Variants in MAP3K2 observed in about 807,000 individuals in gnomAD.
MAP3K2 encodes mitogen-activated protein kinase kinase kinase 2.
A neutral mutation model predicts 80.3 loss-of-function variants in MAP3K2; 24 were observed. That is an observed-to-expected ratio of 0.30 (90% CI 0.22 to 0.42). The LOEUF (loss-of-function observed/expected upper bound fraction) is 0.42, where lower values mean the gene tolerates loss of function less well. MAP3K2 is among the 10% of genes least tolerant of loss of function. The pLI is 1.00. For synonymous variants in MAP3K2, 244 were observed against 253.7 expected (o/e 0.96, Z 0.36); for missense variants, 608 against 750.1 (o/e 0.81, Z 2.21).
chr2:127,377,388 G>GC lies in MAP3K2; in HGVS notation c.-66+10063_-66+10064insG, dbSNP rs1687169606. 2.0e-5 allele frequency among the ~76,000 whole-genome samples: 3 copies of GC among 147,786 alleles called. No individual in the cohort carries two copies. In the East Asian group the frequency reaches 5.9e-4, roughly 29 times the overall value. ...TTAGAATAGCATCTAAATTTCAGTG[G>GC]TTTTTTTTTTTTTAAACTACATTGG... On this transcript the variant is annotated intron_variant, in intron 1 of 16. Transcript: ENST00000682094.
chr2:127,354,768 C>A (rs1686768786), intron 1 of MAP3K2, among the ~76,000 whole-genome samples: 3 of 151,914 alleles, frequency 2.0e-5, no homozygotes, highest in African/African-American at 7.3e-5. Flanking sequence ...AGCCAGTCAA[C>A]TAATAATAAC....
intron 12 of MAP3K2, among the ~76,000 whole-genome samples, chr2:127,320,462 G>GGA (rs943842671): frequency 7.3e-5 from 11 of 151,612 alleles, no homozygotes; most frequent in Admixed American, 4.6e-4. Flanking sequence ...GGAGAGGGAG[G>GGA]GAGAGAGAGA....
At chr2:127,376,889 C>A (rs1470052124) in intron 1 of MAP3K2, among the ~76,000 whole-genome samples, 1 of 151,948 alleles carries the variant, frequency 6.6e-6, no homozygotes, top group Non-Finnish European at 1.5e-5. Context: ...AATACAGAGA[C>A]CCTACCTCTA....
At chr2:127,352,996 C>T (rs964414892) in intron 1 of MAP3K2, among the ~76,000 whole-genome samples, 1 of 152,150 alleles carries the variant, frequency 6.6e-6, no homozygotes, top group African/African-American at 2.4e-5. Flanking sequence ...CTCGTTCACT[C>T]AGTGCTCAAT....
intron 1 of MAP3K2, among the ~76,000 whole-genome samples, chr2:127,350,669 T>C (rs1234235197): frequency 1.3e-5 from 2 of 151,916 alleles, no homozygotes; most frequent in Non-Finnish European, 2.9e-5. Context: ...CTAAAGCTAG[T>C]GGATGAAAAG....
Position 127,303,988 on chromosome 2 carries a change from T to TA in MAP3K2, c.*3590dup, listed in dbSNP as rs1685647574. ...TATATGAGCTGGAGTAGCAGAGACTTAGTCTAAAGAAATAGTTTCATCTTT... is the reference window on the plus strand; with the variant it reads ...TATATGAGCTGGAGTAGCAGAGACTTAAGTCTAAAGAAATAGTTTCATCTTT... On this transcript the variant is annotated 3_prime_UTR_variant, in exon 17 of 17. Coordinates refer to ENST00000682094, the MANE Select transcript of MAP3K2 (RefSeq NM_001371910.2). The TA allele has an allele frequency of 1.3e-5, 2 of 152,304 alleles. No individual in the cohort carries two copies. Among genetic ancestry groups the TA allele is most frequent in the South Asian group, 2.1e-4 (1 of 4,830 alleles). 9.4% of individuals were successfully genotyped at this position (152,304 alleles called of 1,614,324 possible).
At chr2:127,383,139 T>C (rs769155890) in intron 1 of MAP3K2, among the ~76,000 whole-genome samples, 31 of 152,160 alleles carry the variant, frequency 2.0e-4, no homozygotes, top group Non-Finnish European at 3.8e-4. Context: ...TTGCTCATCA[T>C]CAAGGGGACG....
intron 2 of MAP3K2, among the ~76,000 whole-genome samples, chr2:127,341,373 GA>G (rs1183318102): frequency 6.6e-6 from 1 of 151,904 alleles, no homozygotes; most frequent in Non-Finnish European, 1.5e-5. Flanking sequence ...GGGGCCAGTT[GA>G]ACAAAACTTC....
At chr2:127,373,903 A>C (rs928127131) in intron 1 of MAP3K2, among the ~76,000 whole-genome samples, 1 of 152,220 alleles carries the variant, frequency 6.6e-6, no homozygotes, top group Non-Finnish European at 1.5e-5. Flanking sequence ...ATGGACCTGC[A>C]AACAGCACTC....
intron 15 of MAP3K2, among the ~76,000 whole-genome samples, chr2:127,309,325 C>T (rs935507384): frequency 3.9e-5 from 6 of 152,020 alleles, no homozygotes; most frequent in Admixed American, 3.9e-4. Context: ...CATAGGCAGG[C>T]TTTGAGCTTT....
At chr2:127,387,429 C>G (rs1442277984) in intron 1 of MAP3K2, 23 bp downstream of exon 1, 11 of 920,540 alleles carry the variant, frequency 1.2e-5, no homozygotes, top group Non-Finnish European at 1.4e-5. Flanking sequence ...CACAAGCGCG[C>G]GCGCACGCAC....
At chr2:127,326,571 G>A in intron 8 of MAP3K2, 116 bp downstream of exon 8, 1 of 667,620 alleles carries the variant, frequency 1.5e-6, no homozygotes, top group Non-Finnish European at 2.2e-6. Flanking sequence ...GTTCAGTTAA[G>A]AAGATATGTA....
intron 2 of MAP3K2, among the ~76,000 whole-genome samples, chr2:127,341,220 GCCT>G (rs1447108976): frequency 6.6e-6 from 1 of 151,534 alleles, no homozygotes; most frequent in African/African-American, 2.4e-5. Flanking sequence ...CGATCTCCCG[GCCT>G]CGTGATCCGC....
intron 2 of MAP3K2, among the ~76,000 whole-genome samples, chr2:127,340,489 T>C (rs1686455856): frequency 1.3e-5 from 2 of 152,080 alleles, no homozygotes; most frequent in African/African-American, 4.8e-5. Flanking sequence ...AAACCCCGTC[T>C]CCACTAAAAA....
chr2:127,388,388 A>T, upstream of MAP3K2: 1 of 985,412 alleles, frequency 1.0e-6, no homozygotes, highest in Non-Finnish European at 1.2e-6. Context: ...GTGGCAGGTC[A>T]TTTGCAAGGA....
In MAP3K2 at chr2:127,322,220, G is replaced by C; in HGVS notation, c.871C>G (p.Gln291Glu). 3 of 1,613,840 alleles carry C rather than the reference G, an allele frequency of 1.9e-6. No homozygotes were observed. The highest frequency in any genetic ancestry group is 2.5e-6 in the Non-Finnish European group (3 of 1,179,804). ...RKTFPRARRT[Q>E]GTSLRSPVSF... ...ACAGGAGACCGTAAGCTGGTCCCCT[G>C]GGTCCTTCTAGCTCTTGGAAAAGTT... is the stretch of plus-strand genomic sequence containing the variant. The change falls in exon 12 of 17, where the codon CAG becomes GAG. Residue 291 changes from glutamine to glutamate, a missense_variant. Physicochemically the swap from Gln to Glu is conservative, Grantham distance 29. Transcript: ENST00000682094. The surrounding 1 kb of genome is among the most constrained non-coding windows in gnomAD (Gnocchi z 4.2).
intron 15 of MAP3K2, among the ~76,000 whole-genome samples, chr2:127,312,487 C>T (rs1685825162): frequency 6.6e-6 from 1 of 151,814 alleles, no homozygotes; most frequent in Non-Finnish European, 1.5e-5. Context: ...ATAGCAATAC[C>T]CTATCTCTAC....
At chr2:127,378,981 G>GTTTT (rs58961718) in intron 1 of MAP3K2, among the ~76,000 whole-genome samples, 4 of 88,050 alleles carry the variant, frequency 4.5e-5, no homozygotes, top group Admixed American at 1.5e-4. Flanking sequence ...GTTTTTTGTT[G>GTTTT]TTTTTTTTTT....
At chr2:127,351,061 T>A (rs62157556) in intron 1 of MAP3K2, among the ~76,000 whole-genome samples, 1 of 152,114 alleles carries the variant, frequency 6.6e-6, no homozygotes, top group Non-Finnish European at 1.5e-5. Context: ...ACCTCAAAAC[T>A]GTCGAAATCA....
Sources: gnomAD v4.1 joint callset for allele counts (sites outside exome capture counted in the v4.1 genomes callset) on GRCh38, gnomAD v4.1.1 for gene constraint, Gnocchi (gnomAD v3.1) non-coding constraint, MANE v1.5 for transcripts, NCBI Gene and HGNC (gene_info 2026-07-23, HGNC 2026-07-21) for gene names.